Variants in EIF4H observed in about 807,000 individuals in gnomAD.
EIF4H encodes eukaryotic translation initiation factor 4H.
In EIF4H, 8 loss-of-function variants were observed where a neutral mutation model predicts 30.6. That is an observed-to-expected ratio of 0.26 (90% confidence interval 0.15 to 0.47). The LOEUF (loss-of-function observed/expected upper bound fraction) is 0.47. Ranked by LOEUF, EIF4H falls within the 20% of genes least tolerant of loss-of-function variation. EIF4H has a pLI of 0.99. For synonymous variants in EIF4H, 106 were observed against 122.7 expected (o/e 0.86, Z 0.90); for missense variants, 188 against 339.5 (o/e 0.55, Z 3.51).
rs1465493490 is a variant in EIF4H at position 74,195,630 on chromosome 7, G to T, written c.*322G>T. On this transcript the variant is annotated 3_prime_UTR_variant, in exon 7 of 7. Coordinates refer to ENST00000265753, the MANE Select transcript of EIF4H (RefSeq NM_022170.2). ...TCGGAGGAGCAGAGGTGGCCGCCGT[G>T]GGGGGGCGTTTGGGCTGCGGTGCTG... The T allele has an allele frequency of 1.3e-4, 31 of 235,850 alleles. No homozygotes were observed. Among genetic ancestry groups the T allele is most frequent in the Admixed American group, 5.1e-4 (9 of 17,568 alleles). 14.6% of individuals were successfully genotyped at this position (235,850 alleles called of 1,614,324 possible).
intron 1 of EIF4H, among the ~76,000 whole-genome samples, chr7:74,185,869 C>T (rs897057230): frequency 2.6e-5 from 4 of 151,960 alleles, no homozygotes; most frequent in Non-Finnish European, 5.9e-5. Flanking sequence ...GCTGCCAGCA[C>T]GGTATTCTTG....
chr7:74,179,170 T>C (rs1800903126), intron 1 of EIF4H, among the ~76,000 whole-genome samples: 1 of 152,204 alleles, frequency 6.6e-6, no homozygotes, highest in African/African-American at 2.4e-5. Flanking sequence ...ATGGAGCAGC[T>C]CAATCCTTGC....
At position 74,174,369 on chromosome 7, in the gene EIF4H, G is replaced by A. The variant is rs781987366; in HGVS notation, c.-15G>A. The A allele has an allele frequency of 1.4e-6, 2 of 1,449,114 alleles. No homozygotes were observed. Among genetic ancestry groups the A allele is most frequent in the Non-Finnish European group, 1.8e-6 (2 of 1,086,502 alleles). The allele number at this position is 1,449,114 out of a possible 1,614,324, so 89.8% of individuals were successfully genotyped here. A position where few individuals can be genotyped will look rare whatever the true frequency, so the allele number is the denominator to read the frequency against. ...TCCTCGCTCACCCTGGTTCCTCTCG[G>A]AGCGGAGACGGCAAATGGCGGACTT... On this transcript the variant is annotated 5_prime_UTR_variant, in exon 1 of 7. Transcript: ENST00000265753.
chr7:74,193,405 G>A (rs1801268999), intron 5 of EIF4H, among the ~76,000 whole-genome samples: 1 of 152,170 alleles, frequency 6.6e-6, no homozygotes, highest in South Asian at 2.1e-4. Context: ...TAGCGACTGG[G>A]TGGATTTGCA....
chr7:74,187,364 G>C (rs1554709324), intron 1 of EIF4H, among the ~76,000 whole-genome samples: 1 of 152,218 alleles, frequency 6.6e-6, no homozygotes, highest in African/African-American at 2.4e-5. Flanking sequence ...CCGGGAAGCA[G>C]AGGTTCCAGT....
chr7:74,175,016 G>T (rs1051131045), intron 1 of EIF4H, among the ~76,000 whole-genome samples: 2 of 152,248 alleles, frequency 1.3e-5, no homozygotes, highest in African/African-American at 4.8e-5. Flanking sequence ...CGGGCGGGGG[G>T]AGACCAAGGA....
In EIF4H at chr7:74,188,797, G is replaced by C. The variant is rs138443656; in HGVS notation, c.248-876G>C. On this transcript the variant is annotated intron_variant, in intron 2 of 6. Coordinates refer to ENST00000265753, the MANE Select transcript of EIF4H (RefSeq NM_022170.2). Reference sequence around the variant, plus strand: ...CTCTAGAAGATGAGATTGGGTGTCTGTTGCTTCTGTGAAGTTGGGGGTAGT... The same window carrying C: ...CTCTAGAAGATGAGATTGGGTGTCTCTTGCTTCTGTGAAGTTGGGGGTAGT... Among the ~76,000 whole-genome samples the C allele has an allele frequency of 6.7e-3, 1,025 of 152,202 alleles. 4 individuals are homozygous for C. Among genetic ancestry groups the C allele is most frequent in the African/African-American group, 0.023 (962 of 41,522 alleles).
intron 5 of EIF4H, among the ~76,000 whole-genome samples, chr7:74,192,730 T>C (rs1266512935): frequency 7.3e-6 from 1 of 137,834 alleles, no homozygotes; most frequent in Non-Finnish European, 1.5e-5. Context: ...CAGGCTGGAG[T>C]GCAGTGGCAT....
At position 74,181,380 on chromosome 7, in the gene EIF4H, C is replaced by G. The variant is rs531764466; in HGVS notation, c.60-6231C>G. Among the ~76,000 whole-genome samples the G allele has an allele frequency of 2.4e-4, 36 of 152,052 alleles. No individual in the cohort carries two copies. In the South Asian group the frequency reaches 7.1e-3, roughly 30 times the overall value. On this transcript the variant is annotated intron_variant, in intron 1 of 6. Coordinates refer to ENST00000265753, the MANE Select transcript of EIF4H (RefSeq NM_022170.2). ...GCAATTTTTGTTTCAATTTTTATGGCTACCGTAGTAGATGTATCTTATATA... is the reference window on the plus strand; with the variant it reads ...GCAATTTTTGTTTCAATTTTTATGGGTACCGTAGTAGATGTATCTTATATA...
chr7:74,191,701 G>C (rs1176979256), intron 5 of EIF4H, among the ~76,000 whole-genome samples: 1 of 152,180 alleles, frequency 6.6e-6, no homozygotes, highest in Non-Finnish European at 1.5e-5. Context: ...GAAATAGCCA[G>C]TGTTAAACTA....
intron 5 of EIF4H, 80 bp downstream of exon 5, chr7:74,190,386 C>G (rs1801178184): frequency 7.3e-7 from 1 of 1,375,076 alleles, no homozygotes; most frequent in Admixed American, 1.7e-5. Flanking sequence ...AGTAGCCCGC[C>G]TGGCCGGACT....
chr7:74,188,776 A>G (rs1398003570), intron 2 of EIF4H, among the ~76,000 whole-genome samples: 1 of 152,146 alleles, frequency 6.6e-6, no homozygotes, highest in Non-Finnish European at 1.5e-5. Context: ...GAGCAGCTCT[A>G]GAAGATGAGA....
At chr7:74,179,364 G>A (rs1191597343) in intron 1 of EIF4H, among the ~76,000 whole-genome samples, 1 of 152,168 alleles carries the variant, frequency 6.6e-6, no homozygotes, top group East Asian at 1.9e-4. Flanking sequence ...GGGCGCGGTG[G>A]CTCACTCCTG....
chr7:74,184,703 GT>G (rs1801044046), intron 1 of EIF4H, among the ~76,000 whole-genome samples: 1 of 151,730 alleles, frequency 6.6e-6, no homozygotes, highest in South Asian at 2.1e-4. Flanking sequence ...TGTTTTTTGT[GT>G]TTTTTTGTTT....
chr7:74,175,286 T>C (rs1362822025), intron 1 of EIF4H, among the ~76,000 whole-genome samples: 3 of 152,212 alleles, frequency 2.0e-5, no homozygotes, highest in African/African-American at 4.8e-5. Context: ...TTTTATTTTA[T>C]TTTTTAAATA....
intron 1 of EIF4H, among the ~76,000 whole-genome samples, chr7:74,182,010 C>T (rs1313911671): frequency 5.3e-5 from 8 of 152,278 alleles, no homozygotes; most frequent in South Asian, 2.1e-4. Flanking sequence ...CCACCACACC[C>T]GGCCTCTTAC....
intron 1 of EIF4H, among the ~76,000 whole-genome samples, chr7:74,174,796 G>A (rs1442862325): frequency 2.0e-5 from 3 of 152,250 alleles, no homozygotes; most frequent in African/African-American, 4.8e-5. Context: ...CTGAGCTGTG[G>A]CGCTGGGGTA....
intron 1 of EIF4H, among the ~76,000 whole-genome samples, chr7:74,175,722 AG>A (rs1800824099): frequency 6.7e-6 from 1 of 149,320 alleles, no homozygotes; most frequent in African/African-American, 2.6e-5. Flanking sequence ...TTTAATAACT[AG>A]GGTTTTTTTT....
chr7:74,192,310 G>T (rs1369533206), intron 5 of EIF4H, among the ~76,000 whole-genome samples: 3 of 152,138 alleles, frequency 2.0e-5, no homozygotes, highest in Non-Finnish European at 4.4e-5. Context: ...TGTAATGTGG[G>T]TAAAATACTT....
Sources: allele counts gnomAD v4.1 joint callset (sites outside exome capture counted in the v4.1 genomes callset), GRCh38; gene constraint gnomAD v4.1.1; transcripts MANE v1.5; gene names NCBI Gene and HGNC (gene_info 2026-07-23, HGNC 2026-07-21).